The following PACSIN2 variants were observed in gnomAD, a reference collection of about 807,000 sequenced individuals.
PACSIN2 encodes the protein protein kinase C and casein kinase substrate in neurons protein 2.
Under a neutral mutation model 63.8 loss-of-function variants are expected in PACSIN2, and 25 were observed. The ratio of observed to expected loss-of-function variants is 0.39; its 90% CI spans 0.29 to 0.55. The LOEUF (loss-of-function observed/expected upper bound fraction) is 0.55. PACSIN2 is among the 20% of genes least tolerant of loss of function. The pLI is 0.62. For synonymous variants in PACSIN2, 255 were observed against 256.2 expected, an observed-to-expected ratio of 1.00 and a Z score of 0.05; for missense variants, 518 against 646.9, an observed-to-expected ratio of 0.80 and a Z score of 2.16.
At chr22:42,915,938 C>CA (rs1276792686) in intron 1 of PACSIN2, among the ~76,000 whole-genome samples, 2 of 152,234 alleles carry the variant, frequency 1.3e-5, no homozygotes, top group Admixed American at 1.3e-4. Flanking sequence ...CCCAAAAAGA[C>CA]AGAGACTGTG....
Position 42,970,639 on chromosome 22 carries a change from T to C in PACSIN2, c.-78+44382A>G, listed in dbSNP as rs538825753. Reference sequence around the variant, plus strand: ...AAAAGTTTAACGAACATTCATTACGTCCTTTGCAAAAAGGAGTCAGGGACA... The same window carrying C: ...AAAAGTTTAACGAACATTCATTACGCCCTTTGCAAAAAGGAGTCAGGGACA... On this transcript the variant is annotated intron_variant, in intron 1 of 10. Coordinates refer to ENST00000263246, the MANE Select transcript of PACSIN2 (RefSeq NM_001184970.3). 1.7e-3 allele frequency among the ~76,000 whole-genome samples: 258 copies of C among 152,288 alleles called. 2 individuals carry two copies. Among genetic ancestry groups the C allele is most frequent in the African/African-American group, 6.0e-3 (250 of 41,564 alleles).
At chr22:42,959,731 T>A (rs1288660593) in intron 1 of PACSIN2, 3 of 152,126 alleles carry the variant, frequency 2.0e-5, no homozygotes, top group African/African-American at 7.2e-5. Flanking sequence ...AGAAAACAAT[T>A]CCGTGAAAAT....
At chr22:42,955,305 A>G (rs12170938) in intron 1 of PACSIN2, among the ~76,000 whole-genome samples, 9,161 of 152,158 alleles carry the variant, frequency 0.06, 909 homozygotes, top group African/African-American at 0.21. Context: ...ATGAACAAAC[A>G]AACGAACGAA....
chr22:42,952,717 C>T (rs984692422), intron 1 of PACSIN2, among the ~76,000 whole-genome samples: 4 of 151,060 alleles, frequency 2.6e-5, no homozygotes, highest in Non-Finnish European at 5.9e-5. Flanking sequence ...GGCTGGAGTG[C>T]AGTGGAGCGA....
intron 1 of PACSIN2, among the ~76,000 whole-genome samples, chr22:42,953,077 G>T (rs1216031690): frequency 2.0e-5 from 3 of 151,978 alleles, no homozygotes; most frequent in African/African-American, 7.3e-5. Flanking sequence ...AATCTAAATA[G>T]CATTAGCTGT....
intron 1 of PACSIN2, among the ~76,000 whole-genome samples, chr22:43,003,453 AT>A (rs1343638002): frequency 6.6e-6 from 1 of 152,156 alleles, no homozygotes; most frequent in East Asian, 1.9e-4. Context: ...AATACAAAAA[AT>A]TAGCTGGGCG....
At chr22:42,911,792 T>C (rs1217802935) in intron 2 of PACSIN2, among the ~76,000 whole-genome samples, 1 of 152,252 alleles carries the variant, frequency 6.6e-6, no homozygotes, top group Non-Finnish European at 1.5e-5. Context: ...GTATCAGCCT[T>C]TCCTAGCAAG....
chr22:42,931,206 A>G (rs1932771418), intron 1 of PACSIN2, among the ~76,000 whole-genome samples: 1 of 152,226 alleles, frequency 6.6e-6, no homozygotes, highest in African/African-American at 2.4e-5. Flanking sequence ...ACACGAGGCA[A>G]TGATATGTGA....
chr22:42,968,113 C>T (rs1375133032), intron 1 of PACSIN2, among the ~76,000 whole-genome samples: 3 of 152,140 alleles, frequency 2.0e-5, no homozygotes, highest in Non-Finnish European at 4.4e-5. Flanking sequence ...AATGGTAGCG[C>T]GGGAAGCTGC....
intron 1 of PACSIN2, among the ~76,000 whole-genome samples, chr22:42,999,802 C>G (rs981025365): frequency 6.6e-6 from 1 of 152,172 alleles, no homozygotes; most frequent in Non-Finnish European, 1.5e-5. Context: ...GAAGAGAGAA[C>G]CCTGAGACAG....
chr22:43,004,002 C>T (rs1214496648), intron 1 of PACSIN2, among the ~76,000 whole-genome samples: 4 of 152,138 alleles, frequency 2.6e-5, no homozygotes, highest in South Asian at 2.1e-4. Flanking sequence ...ACATAGATGC[C>T]GTCTTAAGCA....
At chr22:42,983,808 T>C (rs1922414270) in intron 1 of PACSIN2, among the ~76,000 whole-genome samples, 1 of 152,086 alleles carries the variant, frequency 6.6e-6, no homozygotes, top group Middle Eastern at 3.4e-3. Context: ...AGAATCTTTG[T>C]CTTTGTTCTT....
chr22:42,934,599 T>C (rs1176808783), intron 1 of PACSIN2, among the ~76,000 whole-genome samples: 1 of 152,232 alleles, frequency 6.6e-6, no homozygotes, highest in Non-Finnish European at 1.5e-5. Context: ...GCCGCCTTGC[T>C]GGTCAACTCC....
chr22:42,927,528 C>T lies in PACSIN2; in HGVS notation c.-77-15371G>A, dbSNP rs1388713594. Among the ~76,000 whole-genome samples the T allele has an allele frequency of 2.6e-5, 4 of 152,068 alleles. No homozygotes were observed. The South Asian group carries it at 6.2e-4, about 24-fold the overall frequency. On this transcript the variant is annotated intron_variant, in intron 1 of 10. Transcript: ENST00000263246. ...CCTCCCAAAGTGCTGGGATTACAGG[C>T]GTGAGCCACCACGCCTGGCCCCAGT...
chr22:42,871,540 C>T lies in PACSIN2; in HGVS notation c.1349-71G>A, dbSNP rs1008447788. The T allele has an allele frequency of 3.2e-5, 39 of 1,237,622 alleles. No individual in the cohort carries two copies. Among genetic ancestry groups the T allele is most frequent in the Non-Finnish European group, 4.1e-5 (34 of 838,504 alleles). 76.7% of individuals were successfully genotyped at this position (1,237,622 alleles called of 1,614,324 possible). Reference sequence around the variant, plus strand: ...ACGGTGGGCTACAGAGCCGCATTCACGAGCTTTGAGCCCACAGAGGGTGGA... The same window carrying T: ...ACGGTGGGCTACAGAGCCGCATTCATGAGCTTTGAGCCCACAGAGGGTGGA... On this transcript the variant is annotated intron_variant, in intron 10 of 10. Coordinates refer to ENST00000263246, the MANE Select transcript of PACSIN2 (RefSeq NM_001184970.3). The surrounding 1 kb of genome is among the most constrained non-coding windows in gnomAD (Gnocchi z 5.4).
chr22:42,998,754 C>A (rs7287136), intron 1 of PACSIN2, among the ~76,000 whole-genome samples: 1 of 152,166 alleles, frequency 6.6e-6, no homozygotes. Flanking sequence ...TTCCTGTTTT[C>A]GCACCCAAAT....
Position 42,922,507 on chromosome 22 carries a change from A to T in PACSIN2, c.-77-10350T>A, listed in dbSNP as rs114176728. On this transcript the variant is annotated intron_variant, in intron 1 of 10. Coordinates refer to ENST00000263246, the MANE Select transcript of PACSIN2 (RefSeq NM_001184970.3). ...ATCCTCTAACTGCAGAGGTAGGCAG[A>T]GGTGGACATCCTCGCTGCCACGGCC... is the stretch of plus-strand genomic sequence containing the variant. Among the ~76,000 whole-genome samples the T allele has an allele frequency of 5.8e-3, 886 of 152,338 alleles. 8 individuals carry two copies. The highest frequency in any genetic ancestry group is 0.02 in the African/African-American group (813 of 41,586).
At chr22:43,012,511 C>G (rs956707739) in intron 1 of PACSIN2, among the ~76,000 whole-genome samples, 2 of 152,054 alleles carry the variant, frequency 1.3e-5, no homozygotes, top group African/African-American at 4.8e-5. Context: ...AACAGAGTCT[C>G]ACTCTGTCAC....
intron 1 of PACSIN2, among the ~76,000 whole-genome samples, chr22:42,985,479 C>A (rs1197722037): frequency 3.3e-5 from 5 of 152,278 alleles, no homozygotes; most frequent in African/African-American, 1.2e-4. Flanking sequence ...GGCCTCACTT[C>A]TCTCCACATG....
Sources: gnomAD v4.1 joint callset for allele counts (sites outside exome capture counted in the v4.1 genomes callset) on GRCh38, gnomAD v4.1.1 for gene constraint, Gnocchi (gnomAD v3.1) non-coding constraint, MANE v1.5 for transcripts, NCBI Gene and HGNC (gene_info 2026-07-23, HGNC 2026-07-21) for gene names.